The following TFPI variants were observed in gnomAD, a reference collection of about 807,000 sequenced individuals.
TFPI encodes the protein tissue factor pathway inhibitor, also known as anti-convertin.
Under a neutral mutation model 34.6 loss-of-function variants are expected in TFPI, and 15 were observed. That is an observed-to-expected ratio of 0.43 (90% CI 0.29 to 0.67). The LOEUF (loss-of-function observed/expected upper bound fraction) is 0.67. Among genes scored for constraint, TFPI ranks in the 30% least tolerant of loss-of-function variants. The pLI is 0.15. For missense variants in TFPI, 301 were observed against 364.0 expected (o/e 0.83, Z 1.41); for synonymous variants, 105 against 120.1 (o/e 0.87, Z 0.82).
intron 6 of TFPI, among the ~76,000 whole-genome samples, chr2:187,483,766 G>T (rs10190021): frequency 1.3e-5 from 2 of 151,926 alleles, no homozygotes; most frequent in Admixed American, 6.6e-5. Flanking sequence ...TTTAGACTGC[G>T]TTTGATGCAC....
rs1387745873 is a variant in TFPI, at chr2:187,484,168, T to C, written c.584A>G (p.Asn195Ser). The C allele has an allele frequency of 1.9e-6, 3 of 1,612,506 alleles. No homozygotes were observed. The highest frequency in any genetic ancestry group is 2.2e-5 in the South Asian group (2 of 91,018). Residue 195 changes from asparagine (N) to serine (S), a missense_variant, in exon 6 of 8, where the codon AAT (asparagine) becomes AGT (serine). Asn to Ser is a conservative substitution (Grantham distance 46). Coordinates refer to ENST00000233156, the MANE Select transcript of TFPI (RefSeq NM_006287.6). ...DNYGTQLNAVNNSLTPQSTKV... is the reference protein window; with the variant it reads ...DNYGTQLNAVSNSLTPQSTKV... ...GGTTGATTGCGGAGTCAGGGAGTTA[T>C]TCACAGCATTGAGCTGGGTTCCATA...
intron 1 of TFPI, among the ~76,000 whole-genome samples, chr2:187,535,849 G>T (rs1196381814): frequency 6.6e-6 from 1 of 152,046 alleles, no homozygotes. Context: ...GACTAATGAA[G>T]AAGAAAAGAG....
At chr2:187,512,419 CA>C (rs773978797) in intron 1 of TFPI, among the ~76,000 whole-genome samples, 2 of 151,142 alleles carry the variant, frequency 1.3e-5, no homozygotes, top group Non-Finnish European at 2.9e-5. Context: ...GGTTTCCTAA[CA>C]GGGGATTTAA....
At chr2:187,478,216 G>A (rs1278540641) in intron 6 of TFPI, among the ~76,000 whole-genome samples, 4 of 151,844 alleles carry the variant, frequency 2.6e-5, no homozygotes, top group South Asian at 2.1e-4. Flanking sequence ...AAATATTAGC[G>A]GGGCGTGGTG....
chr2:187,499,076 G>A (rs1363475836), intron 2 of TFPI, among the ~76,000 whole-genome samples: 1 of 151,006 alleles, frequency 6.6e-6, no homozygotes, highest in Non-Finnish European at 1.5e-5. Flanking sequence ...GTATCAAAGT[G>A]AGTTAAGAAA....
chr2:187,484,395 CTG>C (rs559916971), intron 5 of TFPI, 179 bp from the exon 6 acceptor site: 21 of 577,368 alleles, frequency 3.6e-5, no homozygotes, highest in African/African-American at 3.0e-4. Flanking sequence ...CCATGAGTAA[CTG>C]TAGTTCTTGG....
chr2:187,546,797 C>A (rs952855988), intron 1 of TFPI: 14 of 148,736 alleles, frequency 9.4e-5, no homozygotes, highest in South Asian at 2.1e-4. Flanking sequence ...TGAAGAGTTG[C>A]TCCTTTAATT....
intron 1 of TFPI, among the ~76,000 whole-genome samples, chr2:187,509,954 A>T (rs1424452215): frequency 1.3e-5 from 2 of 152,046 alleles, no homozygotes; most frequent in East Asian, 3.9e-4. Flanking sequence ...CAACTTTCCT[A>T]TCATTCCTTA....
chr2:187,477,905 A>C (rs182607301), intron 6 of TFPI, among the ~76,000 whole-genome samples: 5 of 152,288 alleles, frequency 3.3e-5, no homozygotes, highest in East Asian at 1.9e-4. Flanking sequence ...GATGTCATCC[A>C]ATTACTTTCC....
In TFPI at chr2:187,498,533, T is replaced by C. The variant is rs914139550; in HGVS notation, c.122-1455A>G. Among the ~76,000 whole-genome samples, 3 of 151,842 alleles carry C rather than the reference T, an allele frequency of 2.0e-5. No homozygotes were observed. In the East Asian group the frequency reaches 5.8e-4, roughly 29 times the overall value. ...ATCTTGGAAGGATTAAAGATACAGCTTTCTATACATAAGTTGGCATTTTCA... is the reference window on the plus strand; with the variant it reads ...ATCTTGGAAGGATTAAAGATACAGCCTTCTATACATAAGTTGGCATTTTCA... On this transcript the variant is annotated intron_variant, in intron 2 of 7. Transcript: ENST00000233156.
chr2:187,549,293 A>G (rs1468905653), intron 1 of TFPI, among the ~76,000 whole-genome samples: 1 of 152,098 alleles, frequency 6.6e-6, no homozygotes, highest in Non-Finnish European at 1.5e-5. Flanking sequence ...TGTAATTTGT[A>G]TTTACTTTAC....
At position 187,484,802 on chromosome 2, in the gene TFPI, TA is replaced by T; in HGVS notation, c.535+8del. ...AAATGAACTAAAATGAAATAAGAAA[TA>T]AACTTACGACCATCTTCACAAATGT... On this transcript the variant is annotated splice_region_variant and intron_variant, in intron 5 of 7. Coordinates refer to ENST00000233156, the MANE Select transcript of TFPI (RefSeq NM_006287.6). 1.9e-6 allele frequency: 3 copies of T among 1,572,774 alleles called. No individual in the cohort carries two copies. Among genetic ancestry groups the T allele is most frequent in the Non-Finnish European group, 2.6e-6 (3 of 1,166,218 alleles).
intron 1 of TFPI, chr2:187,515,058 G>A (rs769252472): frequency 1.9e-4 from 29 of 152,288 alleles, no homozygotes; most frequent in Non-Finnish European, 3.5e-4. Context: ...AAAAAATGGC[G>A]GTTAGAGTTT....
intron 1 of TFPI, among the ~76,000 whole-genome samples, chr2:187,526,464 GA>G (rs975887740): frequency 2.6e-5 from 4 of 151,508 alleles, no homozygotes; most frequent in African/African-American, 7.3e-5. Context: ...TTTATGGGAT[GA>G]AAAAAAAGAG....
At chr2:187,506,320 A>G (rs971997084) in intron 1 of TFPI, among the ~76,000 whole-genome samples, 2 of 152,134 alleles carry the variant, frequency 1.3e-5, no homozygotes, top group Non-Finnish European at 2.9e-5. Context: ...CTTTTAAAAA[A>G]ATTGACCCCA....
chr2:187,553,358 GCTTAT>G (rs1207852285), intron 1 of TFPI, among the ~76,000 whole-genome samples: 1 of 151,892 alleles, frequency 6.6e-6, no homozygotes, highest in Non-Finnish European at 1.5e-5. Flanking sequence ...TGTGGCTGTT[GCTTAT>G]CTTTTCTTTT....
intron 3 of TFPI, among the ~76,000 whole-genome samples, chr2:187,491,790 A>G (rs953052723): frequency 6.6e-6 from 1 of 152,104 alleles, no homozygotes; most frequent in Non-Finnish European, 1.5e-5. Context: ...ACTGTTTTCC[A>G]TACAGGTTAT....
intron 1 of TFPI, chr2:187,513,734 A>C (rs2106172617): frequency 6.5e-6 from 1 of 152,694 alleles, no homozygotes; most frequent in African/African-American, 2.4e-5. Context: ...CCAGGGGAAA[A>C]CCCTACCAAA....
At chr2:187,488,256 C>G (rs1328143032) in intron 4 of TFPI, 81 bp downstream of exon 4, 2 of 1,204,406 alleles carry the variant, frequency 1.7e-6, no homozygotes, top group African/African-American at 3.2e-5. Context: ...CCAGAAAAAA[C>G]AAACAAGCAA....
Sources: allele counts gnomAD v4.1 joint callset (sites outside exome capture counted in the v4.1 genomes callset), GRCh38; gene constraint gnomAD v4.1.1; transcripts MANE v1.5; gene names NCBI Gene and HGNC (gene_info 2026-07-23, HGNC 2026-07-21).